CEP63: variants seen among roughly 807,000 people sequenced by gnomAD.
The protein encoded by CEP63 is centrosomal protein 63, also known as centrosomal protein of 63 kDa.
In CEP63, 84 loss-of-function variants were observed where a neutral mutation model predicts 89.1. The observed-to-expected ratio is 0.94, with a 90% CI of 0.79 to 1.13. The LOEUF is 1.13. Ranked by LOEUF, CEP63 falls within the 50% of genes most tolerant of loss-of-function variation. CEP63 has a pLI of 0.00. For synonymous variants in CEP63, 267 were observed against 272.5 expected (o/e 0.98, Z 0.20); for missense variants, 838 against 813.3 (o/e 1.03, Z -0.37).
rs761978846 is a variant in CEP63, at chr3:134,507,215, G to A, written c.151G>A (p.Glu51Lys). ...SEWEGRTHAL[E>K]TCLKIREQEL... ...ATGGGAAGGACGTACACATGCTCTA[G>A]AAACTTGCTTGAAAATCCGTGAACA... The change falls in exon 3 of 15, where the codon GAA (glutamate) becomes AAA (lysine). Residue 51 changes from glutamate to lysine, a missense_variant. By Grantham distance (56) the Glu-to-Lys change is moderately conservative. Coordinates refer to ENST00000675561, the MANE Select transcript of CEP63 (RefSeq NM_001353108.3). 1 of 1,613,770 alleles carries A rather than the reference G, an allele frequency of 6.2e-7. No homozygotes were observed. The highest frequency in any genetic ancestry group is 1.3e-5 in the African/African-American group (1 of 74,998).
At chr3:134,501,325 G>C (rs1941934580) in intron 2 of CEP63, among the ~76,000 whole-genome samples, 1 of 151,976 alleles carries the variant, frequency 6.6e-6, no homozygotes, top group African/African-American at 2.4e-5. Context: ...GCTCTTTTTT[G>C]GTTCCATATG....
intron 3 of CEP63, among the ~76,000 whole-genome samples, chr3:134,509,298 A>G (rs1396407698): frequency 6.6e-6 from 1 of 152,144 alleles, no homozygotes; most frequent in Non-Finnish European, 1.5e-5. Context: ...GGGAGGTGCT[A>G]CACACTTCTA....
rs1171923938 is a variant in CEP63 at position 134,587,231 on chromosome 3, C to T, written c.1207-227C>T. On this transcript the variant is annotated intron_variant, in intron 10 of 10. Transcript: ENST00000683931. Reference sequence around the variant, plus strand: ...AGTCATTCTCTGTCCAGTTTTTTTCCGTTGCTGGCGAGGAGCTCTGATCCT... The same window carrying T: ...AGTCATTCTCTGTCCAGTTTTTTTCTGTTGCTGGCGAGGAGCTCTGATCCT... Among the ~76,000 whole-genome samples the T allele has an allele frequency of 3.3e-5, 5 of 152,188 alleles. No individual in the cohort carries two copies. The South Asian group carries it at 6.2e-4, about 19-fold the overall frequency.
the CEP63 span, among the ~76,000 whole-genome samples, chr3:134,772,640 C>G: frequency 6.6e-6 from 1 of 152,124 alleles, no homozygotes; most frequent in African/African-American, 2.4e-5. Context: ...ATTAGATATT[C>G]CCATTTGTCT....
At chr3:134,642,053 G>A in the CEP63 span, among the ~76,000 whole-genome samples, 1 of 152,172 alleles carries the variant, frequency 6.6e-6, no homozygotes, top group East Asian at 1.9e-4. Flanking sequence ...GGCCCACAGA[G>A]GTCTCTAAGG....
chr3:134,644,128 C>T, the CEP63 span, among the ~76,000 whole-genome samples: 3 of 152,160 alleles, frequency 2.0e-5, no homozygotes. Flanking sequence ...CCCGGCCGAG[C>T]CTCCTGCTTC....
At chr3:134,618,420 C>A in the CEP63 span, among the ~76,000 whole-genome samples, 1 of 152,200 alleles carries the variant, frequency 6.6e-6, no homozygotes, top group Non-Finnish European at 1.5e-5. Context: ...TTCATCCACC[C>A]CCTGGGGAGG....
the CEP63 span, among the ~76,000 whole-genome samples, chr3:134,745,885 T>C: frequency 6.6e-6 from 1 of 151,756 alleles, no homozygotes; most frequent in South Asian, 2.1e-4. Flanking sequence ...GGCTGCATAG[T>C]ATTCCATGGT....
chr3:134,728,328 C>G, the CEP63 span, among the ~76,000 whole-genome samples: 1 of 152,052 alleles, frequency 6.6e-6, no homozygotes, highest in Non-Finnish European at 1.5e-5. Flanking sequence ...TTTTTCCTAA[C>G]CATCGAGCCA....
intron 6 of CEP63, among the ~76,000 whole-genome samples, chr3:134,538,602 G>A (rs1260306341): frequency 2.2e-5 from 3 of 135,292 alleles, no homozygotes; most frequent in South Asian, 2.4e-4. Context: ...TGGTTTTCTT[G>A]AGATGAGGTC....
intron 3 of CEP63, among the ~76,000 whole-genome samples, chr3:134,516,733 C>T (rs1233263661): frequency 6.6e-6 from 1 of 152,202 alleles, no homozygotes; most frequent in Non-Finnish European, 1.5e-5. Context: ...TGACACAGCA[C>T]ATGTTTCAGG....
chr3:134,553,755 G>A (rs1203846098), intron 12 of CEP63, among the ~76,000 whole-genome samples: 2 of 152,140 alleles, frequency 1.3e-5, no homozygotes, highest in Admixed American at 1.3e-4. Flanking sequence ...GCGTAAATAC[G>A]TATAGCCTCT....
chr3:134,759,186 G>A, the CEP63 span, among the ~76,000 whole-genome samples: 4 of 152,190 alleles, frequency 2.6e-5, no homozygotes, highest in African/African-American at 4.8e-5. Context: ...TAACAAATCC[G>A]TGTTGTTTTA....
chr3:134,672,039 G>C, the CEP63 span, among the ~76,000 whole-genome samples: 6 of 152,172 alleles, frequency 3.9e-5, no homozygotes, highest in Non-Finnish European at 1.5e-5. Flanking sequence ...CAAGTGTGTA[G>C]GGTGGAGTGT....
the CEP63 span, among the ~76,000 whole-genome samples, chr3:134,604,856 C>G: frequency 1.3e-5 from 2 of 152,192 alleles, no homozygotes; most frequent in Non-Finnish European, 2.9e-5. Context: ...ACCATCTCCC[C>G]CAAGTCTCAG....
chr3:134,628,304 C>T, the CEP63 span, among the ~76,000 whole-genome samples: 7 of 152,274 alleles, frequency 4.6e-5, no homozygotes, highest in East Asian at 1.2e-3. Context: ...GGATTAAAGG[C>T]CAACTGAATC....
chr3:134,768,651 T>C, the CEP63 span, among the ~76,000 whole-genome samples: 2 of 152,216 alleles, frequency 1.3e-5, no homozygotes, highest in African/African-American at 4.8e-5. Context: ...AAGTGCCTGC[T>C]CACTGGAAAG....
At chr3:134,744,279 G>C in the CEP63 span, among the ~76,000 whole-genome samples, 2 of 152,190 alleles carry the variant, frequency 1.3e-5, no homozygotes, top group South Asian at 4.1e-4. Context: ...ACAGTGGCCA[G>C]ATATAGCCTT....
At chr3:134,778,053 G>A in the CEP63 span, among the ~76,000 whole-genome samples, 1 of 150,662 alleles carries the variant, frequency 6.6e-6, no homozygotes, top group African/African-American at 2.4e-5. Context: ...ACAGAATGCT[G>A]TATTGAAGAT....
Sources: allele counts gnomAD v4.1 joint callset (sites outside exome capture counted in the v4.1 genomes callset), GRCh38; gene constraint gnomAD v4.1.1; transcripts MANE v1.5; gene names NCBI Gene and HGNC (gene_info 2026-07-23, HGNC 2026-07-21).